The following MOB1B variants were observed in gnomAD, a reference collection of about 807,000 sequenced individuals.
MOB1B encodes the protein MOB1 Mps One Binder homolog B.
In MOB1B, 19 loss-of-function variants were observed where a neutral mutation model predicts 24.4. That is an observed-to-expected ratio of 0.78 (90% CI 0.54 to 1.14). The LOEUF (loss-of-function observed/expected upper bound fraction) is 1.14, where lower values mean the gene tolerates loss of function less well. MOB1B is among the 50% of genes most tolerant of loss of function. The probability of loss-of-function intolerance (pLI) is 0.00; values close to 1 mark genes in which losing one functional copy is unlikely to be tolerated. For synonymous variants in MOB1B, 76 were observed against 82.1 expected (o/e 0.93, Z 0.40); for missense variants, 243 against 259.6 (o/e 0.94, Z 0.44).
At chr4:70,962,582 TA>T (rs1232517711) in intron 2 of MOB1B, among the ~76,000 whole-genome samples, 1 of 151,440 alleles carries the variant, frequency 6.6e-6, no homozygotes, top group Non-Finnish European at 1.5e-5. Context: ...CACAATACTA[TA>T]AAACTTCTAG....
At chr4:70,944,116 C>T (rs1000337249) in intron 1 of MOB1B, among the ~76,000 whole-genome samples, 1 of 151,968 alleles carries the variant, frequency 6.6e-6, no homozygotes, top group African/African-American at 2.4e-5. Flanking sequence ...CTCATTTCAA[C>T]CTCCACCTTT....
chr4:70,923,944 A>G (rs981609187), intron 1 of MOB1B, among the ~76,000 whole-genome samples: 8 of 102,564 alleles, frequency 7.8e-5, no homozygotes, highest in Non-Finnish European at 7.4e-5. Flanking sequence ...GAGACTCAAA[A>G]AAAAAAAAAA....
chr4:70,956,159 A>G (rs974914719), intron 1 of MOB1B, among the ~76,000 whole-genome samples: 1 of 152,152 alleles, frequency 6.6e-6, no homozygotes, highest in African/African-American at 2.4e-5. Flanking sequence ...TATATCTAAT[A>G]TTTGACCTTT....
chr4:70,931,259 A>G (rs528997565), intron 1 of MOB1B, among the ~76,000 whole-genome samples: 40 of 152,324 alleles, frequency 2.6e-4, no homozygotes, highest in African/African-American at 9.1e-4. Flanking sequence ...AGAATAATTC[A>G]AGTCTTCTTA....
chr4:70,952,042 G>A (rs1217152445), intron 1 of MOB1B, among the ~76,000 whole-genome samples: 2 of 152,064 alleles, frequency 1.3e-5, no homozygotes, highest in African/African-American at 2.4e-5. Flanking sequence ...GGAAAAAATA[G>A]GCACTATATA....
intron 1 of MOB1B, among the ~76,000 whole-genome samples, chr4:70,941,193 C>A (rs1276784025): frequency 1.3e-5 from 2 of 150,390 alleles, no homozygotes; most frequent in African/African-American, 2.5e-5. Flanking sequence ...ATGCCATACA[C>A]ACACAGTAGT....
intron 1 of MOB1B, among the ~76,000 whole-genome samples, chr4:70,904,999 T>A (rs2148863901): frequency 6.6e-6 from 1 of 152,290 alleles, no homozygotes; most frequent in Non-Finnish European, 1.5e-5. Flanking sequence ...TTTGCACTAT[T>A]TGGGGCACAA....
chr4:70,924,636 C>T (rs1736578505), intron 1 of MOB1B, among the ~76,000 whole-genome samples: 1 of 152,112 alleles, frequency 6.6e-6, no homozygotes, highest in African/African-American at 2.4e-5. Flanking sequence ...TCCCGAAGTC[C>T]CCCACCCACC....
In MOB1B at chr4:70,979,142, A is replaced by G. The variant is rs370951801; in HGVS notation, c.424A>G (p.Lys142Glu). 1 of 1,613,508 alleles carries G rather than the reference A, an allele frequency of 6.2e-7. No individual in the cohort carries two copies. Among genetic ancestry groups the G allele is most frequent in the Non-Finnish European group, 8.5e-7 (1 of 1,179,740 alleles). The change falls in exon 5 of 6, where the codon AAG becomes GAG. Residue 142 changes from lysine to glutamate, a missense_variant. By Grantham distance (56) the Lys-to-Glu change is moderately conservative. Coordinates refer to ENST00000309395, the MANE Select transcript of MOB1B (RefSeq NM_173468.4). ...CTCTTTTCTAGGTGTCCCGTTCCCA[A>G]AGAATTTCATGTCTGTGGCAAAAAC... ...FPSKIGVPFP[K>E]NFMSVAKTIL...
At chr4:70,929,438 C>T (rs529427743) in intron 1 of MOB1B, among the ~76,000 whole-genome samples, 2 of 151,950 alleles carry the variant, frequency 1.3e-5, no homozygotes, top group Non-Finnish European at 2.9e-5. Context: ...CTTGGCCTCC[C>T]GAAGGATTAC....
intron 4 of MOB1B, among the ~76,000 whole-genome samples, chr4:70,977,947 C>T (rs774742512): frequency 6.6e-6 from 1 of 152,172 alleles, no homozygotes; most frequent in Non-Finnish European, 1.5e-5. Context: ...CCTTGTCCTC[C>T]CAAGCATTGG....
In MOB1B at chr4:70,958,363, C is replaced by T. The variant is rs529093919; in HGVS notation, c.15-511C>T. 7.0e-4 allele frequency among the ~76,000 whole-genome samples: 107 copies of T among 151,850 alleles called. 2 individuals carry two copies. Among genetic ancestry groups the T allele is most frequent in the African/African-American group, 2.0e-3 (82 of 41,416 alleles). ...TGCATTTTTAGTAGAGATGGGGTTT[C>T]GCCATGTTGACCAGGCTGGTCTCCA... On this transcript the variant is annotated intron_variant, in intron 1 of 5. Transcript: ENST00000309395.
At chr4:70,912,501 A>G (rs770721655) in intron 1 of MOB1B, among the ~76,000 whole-genome samples, 4 of 151,788 alleles carry the variant, frequency 2.6e-5, no homozygotes, top group Non-Finnish European at 5.9e-5. Flanking sequence ...GCTGGTCTCA[A>G]CTTTGTCTTC....
intron 1 of MOB1B, among the ~76,000 whole-genome samples, chr4:70,937,403 C>T (rs1311987121): frequency 6.6e-6 from 1 of 151,864 alleles, no homozygotes; most frequent in Non-Finnish European, 1.5e-5. Context: ...ATTTTCAATT[C>T]TAGGAAAATA....
chr4:70,902,999 C>T (rs1735579968), intron 1 of MOB1B, among the ~76,000 whole-genome samples: 1 of 152,226 alleles, frequency 6.6e-6, no homozygotes, highest in Non-Finnish European at 1.5e-5. Flanking sequence ...GACTGTCGTA[C>T]TTTCCCCTGT....
chr4:70,916,062 T>G (rs1297824673), intron 1 of MOB1B, among the ~76,000 whole-genome samples: 1 of 152,234 alleles, frequency 6.6e-6, no homozygotes, highest in African/African-American at 2.4e-5. Flanking sequence ...ACATGTTTCC[T>G]TAAAGCCTTA....
At chr4:70,903,525 T>C (rs1735606650) in intron 1 of MOB1B, among the ~76,000 whole-genome samples, 1 of 152,188 alleles carries the variant, frequency 6.6e-6, no homozygotes, top group Admixed American at 6.6e-5. Flanking sequence ...TGTGATGCAC[T>C]CATTCCATGT....
Position 70,902,434 on chromosome 4 carries a change from C to T in MOB1B, c.-103C>T. On this transcript the variant is annotated 5_prime_UTR_variant, in exon 1 of 6. Transcript: ENST00000309395. ...AGCCGGCTCTCGGCACCTCCTCCTC[C>T]GCCTCCCTGTCTCCTGTTCCATTCG... is the stretch of plus-strand genomic sequence containing the variant. 2.3e-6 allele frequency: 3 copies of T among 1,305,292 alleles called. No homozygotes were observed. The highest frequency in any genetic ancestry group is 1.3e-5 in the South Asian group (1 of 79,346). 80.9% of individuals were successfully genotyped at this position (1,305,292 alleles called of 1,614,324 possible).
At chr4:70,937,537 A>T (rs1487336491) in intron 1 of MOB1B, among the ~76,000 whole-genome samples, 16 of 148,052 alleles carry the variant, frequency 1.1e-4, no homozygotes, top group Non-Finnish European at 2.2e-4. Flanking sequence ...TTTGAGATGG[A>T]GTCTCACTTT....
Sources: allele counts gnomAD v4.1 joint callset (sites outside exome capture counted in the v4.1 genomes callset), GRCh38; gene constraint gnomAD v4.1.1; transcripts MANE v1.5; gene names NCBI Gene and HGNC (gene_info 2026-07-23, HGNC 2026-07-21).